The following UXS1 variants were observed in gnomAD, a reference collection of about 807,000 sequenced individuals.
The protein encoded by UXS1 is UDP-glucuronate decarboxylase 1.
UXS1 carries 33 observed loss-of-function variants against 62.6 expected under a neutral mutation model. That is an observed-to-expected ratio of 0.53 (90% CI 0.40 to 0.70). The LOEUF (loss-of-function observed/expected upper bound fraction) is 0.70, where lower values mean the gene tolerates loss of function less well. Ranked by LOEUF, UXS1 falls within the 30% of genes least tolerant of loss-of-function variation. The pLI, the probability that UXS1 is intolerant of heterozygous loss-of-function variation, is 0.00. For synonymous variants in UXS1, 213 were observed against 206.8 expected (o/e 1.03, Z -0.26); for missense variants, 434 against 556.3 (o/e 0.78, Z 2.21).
intron 1 of UXS1, among the ~76,000 whole-genome samples, chr2:106,173,621 G>A (rs534244056): frequency 6.6e-6 from 1 of 152,288 alleles, no homozygotes; most frequent in South Asian, 2.1e-4. Flanking sequence ...GCAGTTTTGT[G>A]GGACATCTCT....
chr2:106,141,906 T>C (rs1050387107), intron 6 of UXS1, among the ~76,000 whole-genome samples: 2 of 151,618 alleles, frequency 1.3e-5, no homozygotes, highest in African/African-American at 4.9e-5. Flanking sequence ...GGTCTTATTC[T>C]GTCACCCAGG....
chr2:106,101,271 A>G, intron 11 of UXS1, 153 bp from the exon 12 acceptor site: 1 of 700,016 alleles, frequency 1.4e-6, no homozygotes, highest in Non-Finnish European at 2.4e-6. Flanking sequence ...AATCCTACAA[A>G]CTAAGATGGT....
intron 5 of UXS1, among the ~76,000 whole-genome samples, chr2:106,149,786 G>C (rs953162628): frequency 6.6e-6 from 1 of 152,240 alleles, no homozygotes; most frequent in Non-Finnish European, 1.5e-5. Flanking sequence ...GAGGCTGGAA[G>C]AATCTGGAGG....
At chr2:106,148,494 CTGAGA>C (rs971702590) in intron 5 of UXS1, among the ~76,000 whole-genome samples, 3 of 152,302 alleles carry the variant, frequency 2.0e-5, no homozygotes, top group Non-Finnish European at 2.9e-5. Context: ...GCAGACAGTT[CTGAGA>C]TATCAGAGAT....
At position 106,094,509 on chromosome 2, in the gene UXS1, C is replaced by T. The variant is rs182196396; in HGVS notation, c.1147-352G>A. ...GGCAAGATTGTTTTTCAGATAATGC[C>T]CATGTGCCCCATTCTTTCAGAAGAA... On this transcript the variant is annotated intron_variant, in intron 14 of 14. Coordinates refer to ENST00000283148, the MANE Select transcript of UXS1 (RefSeq NM_001253875.2). 3.9e-5 allele frequency among the ~76,000 whole-genome samples: 6 copies of T among 152,344 alleles called. No individual in the cohort carries two copies. The East Asian group carries it at 1.2e-3, about 29-fold the overall frequency.
chr2:106,097,364 A>C, intron 13 of UXS1: 1 of 383,724 alleles, frequency 2.6e-6, no homozygotes, highest in South Asian at 1.8e-5. Flanking sequence ...CCCAGGCCCC[A>C]CTGGCCAGCA....
At chr2:106,100,564 G>C (rs1290762681) in intron 12 of UXS1, among the ~76,000 whole-genome samples, 2 of 152,204 alleles carry the variant, frequency 1.3e-5, no homozygotes, top group African/African-American at 2.4e-5. Flanking sequence ...ACTGCTCAAG[G>C]CTGGATGATC....
At chr2:106,152,512 AGG>A (rs1682106819) in intron 5 of UXS1, among the ~76,000 whole-genome samples, 2 of 110,208 alleles carry the variant, frequency 1.8e-5, no homozygotes, top group Non-Finnish European at 3.6e-5. Context: ...GGAGGGAGGG[AGG>A]GAGGGAAAAG....
chr2:106,152,018 C>A (rs540241098), intron 5 of UXS1, among the ~76,000 whole-genome samples: 1 of 152,312 alleles, frequency 6.6e-6, no homozygotes, highest in African/African-American at 2.4e-5. Context: ...GTCATTTCAA[C>A]ATCAAGGTCA....
At chr2:106,144,729 C>A (rs986987736) in intron 6 of UXS1, among the ~76,000 whole-genome samples, 2 of 152,178 alleles carry the variant, frequency 1.3e-5, no homozygotes, top group African/African-American at 4.8e-5. Flanking sequence ...CTTCTCGCCA[C>A]GTCCTCACAC....
At chr2:106,165,923 T>G in intron 2 of UXS1, 133 bp downstream of exon 2, 1 of 763,110 alleles carries the variant, frequency 1.3e-6, no homozygotes, top group Non-Finnish European at 2.0e-6. Flanking sequence ...AGCTCAGATA[T>G]GTGAATAGCA....
chr2:106,112,195 G>A (rs989762138), intron 10 of UXS1, among the ~76,000 whole-genome samples: 3 of 152,212 alleles, frequency 2.0e-5, no homozygotes, highest in Non-Finnish European at 4.4e-5. Context: ...CTGGGTTGAG[G>A]GTGGCCAGTG....
At chr2:106,108,164 A>G (rs960762889) in intron 10 of UXS1, among the ~76,000 whole-genome samples, 1 of 152,208 alleles carries the variant, frequency 6.6e-6, no homozygotes, top group Non-Finnish European at 1.5e-5. Context: ...TATCACATCC[A>G]TCATCTGTAC....
intron 14 of UXS1, among the ~76,000 whole-genome samples, chr2:106,096,009 C>T (rs1192157246): frequency 2.0e-5 from 3 of 152,226 alleles, no homozygotes; most frequent in Non-Finnish European, 4.4e-5. Flanking sequence ...ATGCAGTTCC[C>T]CTTCCTCCAC....
intron 9 of UXS1, among the ~76,000 whole-genome samples, chr2:106,119,385 AC>A (rs2104909870): frequency 6.6e-6 from 1 of 152,242 alleles, no homozygotes; most frequent in Non-Finnish European, 1.5e-5. Flanking sequence ...GGACCTGGAA[AC>A]CAGTTTTGGA....
chr2:106,114,054 T>TAG (rs1678861119), intron 9 of UXS1, among the ~76,000 whole-genome samples: 1 of 152,138 alleles, frequency 6.6e-6, no homozygotes, highest in Non-Finnish European at 1.5e-5. Context: ...TCCACCAGTA[T>TAG]AGCGAGTTAA....
rs149477588 is a variant in UXS1 at position 106,185,308 on chromosome 2, T to C, written c.94+8840A>G. Among the ~76,000 whole-genome samples the C allele has an allele frequency of 2.7e-3, 406 of 152,316 alleles. 11 individuals are homozygous for C. Among genetic ancestry groups the C allele is most frequent in the Non-Finnish European group, 5.7e-4 (39 of 68,022 alleles). On this transcript the variant is annotated intron_variant, in intron 1 of 14. Coordinates refer to ENST00000283148, the MANE Select transcript of UXS1 (RefSeq NM_001253875.2). Reference sequence around the variant, plus strand: ...TTGTCCATTTTCTTAGGAACTATGGTGGAAAATGGGAAAATTGTTGAAAAT... The same window carrying C: ...TTGTCCATTTTCTTAGGAACTATGGCGGAAAATGGGAAAATTGTTGAAAAT...
rs1011519514 is a variant in UXS1 at position 106,117,880 on chromosome 2, C to T, written c.759+5090G>A. Among the ~76,000 whole-genome samples, 7 of 152,342 alleles carry T rather than the reference C, an allele frequency of 4.6e-5. No homozygotes were observed. The East Asian group carries it at 9.6e-4, about 21-fold the overall frequency. Reference sequence around the variant, plus strand: ...ATGCACAGCTCACTGTGCTGAAGCACGATTCTCAAAGGTGCTAAAAGGTTC... The same window carrying T: ...ATGCACAGCTCACTGTGCTGAAGCATGATTCTCAAAGGTGCTAAAAGGTTC... On this transcript the variant is annotated intron_variant, in intron 9 of 14. Coordinates refer to ENST00000283148, the MANE Select transcript of UXS1 (RefSeq NM_001253875.2).
chr2:106,191,687 C>A (rs768576508), intron 1 of UXS1, among the ~76,000 whole-genome samples: 2 of 152,240 alleles, frequency 1.3e-5, no homozygotes, highest in African/African-American at 2.4e-5. Flanking sequence ...TAGAATACTG[C>A]CTGCTCTTGG....
Sources: gnomAD v4.1 joint callset for allele counts (sites outside exome capture counted in the v4.1 genomes callset) on GRCh38, gnomAD v4.1.1 for gene constraint, MANE v1.5 for transcripts, NCBI Gene and HGNC (gene_info 2026-07-23, HGNC 2026-07-21) for gene names.